STK3: variants seen among roughly 807,000 people sequenced by gnomAD.
STK3 encodes the protein serine/threonine kinase 3.
In STK3, 41 loss-of-function variants were observed where a neutral mutation model predicts 58.0. The ratio of observed to expected loss-of-function variants is 0.71; its 90% CI spans 0.55 to 0.92. The LOEUF is 0.92. Among genes scored for constraint, STK3 ranks in the 40% least tolerant of loss-of-function variants. STK3 has a pLI of 0.00. For synonymous variants in STK3, 170 were observed against 191.0 expected (o/e 0.89, Z 0.91); for missense variants, 479 against 602.7 (o/e 0.79, Z 2.15).
chr8:98,673,912 T>C (rs960565983), intron 6 of STK3, among the ~76,000 whole-genome samples: 1 of 152,220 alleles, frequency 6.6e-6, no homozygotes, highest in South Asian at 2.1e-4. Flanking sequence ...GGTAAATATG[T>C]AGAATACTAT....
At chr8:98,809,366 T>C (rs533796161) in intron 1 of STK3, among the ~76,000 whole-genome samples, 3 of 152,264 alleles carry the variant, frequency 2.0e-5, no homozygotes, top group East Asian at 1.9e-4. Flanking sequence ...AGTATCAAAA[T>C]TGAATTAAAT....
intron 8 of STK3, among the ~76,000 whole-genome samples, chr8:98,560,875 A>G (rs999262083): frequency 1.3e-5 from 2 of 152,014 alleles, no homozygotes; most frequent in Non-Finnish European, 2.9e-5. Context: ...TCTATAAAAA[A>G]TACAAAAATT....
intron 6 of STK3, among the ~76,000 whole-genome samples, chr8:98,688,202 G>T (rs1471587103): frequency 6.6e-6 from 1 of 152,150 alleles, no homozygotes; most frequent in Non-Finnish European, 1.5e-5. Flanking sequence ...AAAGGGTTCA[G>T]TTATACAAGA....
chr8:98,714,361 G>T (rs1826813206), intron 4 of STK3, among the ~76,000 whole-genome samples: 1 of 152,200 alleles, frequency 6.6e-6, no homozygotes, highest in Non-Finnish European at 1.5e-5. Context: ...CAGATGACAT[G>T]ATTGGATATC....
intron 6 of STK3, among the ~76,000 whole-genome samples, chr8:98,611,876 C>T (rs1817226179): frequency 1.3e-5 from 2 of 151,984 alleles, no homozygotes; most frequent in Non-Finnish European, 2.9e-5. Flanking sequence ...TCCAAATTCC[C>T]ACTACATTTA....
chr8:98,446,068 C>CA (rs1301306782), intron 1 of STK3, among the ~76,000 whole-genome samples: 1 of 152,234 alleles, frequency 6.6e-6, no homozygotes, highest in African/African-American at 2.4e-5. Context: ...TGAACTTTCT[C>CA]AGACACCGAA....
chr8:98,542,532 G>A (rs1457253626), intron 9 of STK3, among the ~76,000 whole-genome samples: 2 of 152,156 alleles, frequency 1.3e-5, no homozygotes, highest in Non-Finnish European at 2.9e-5. Flanking sequence ...AGGTCTTGGA[G>A]GAGGCAGGGA....
intron 1 of STK3, among the ~76,000 whole-genome samples, chr8:98,889,624 G>C (rs1177038197): frequency 1.3e-5 from 2 of 152,190 alleles, no homozygotes; most frequent in Non-Finnish European, 2.9e-5. Context: ...ATGTGACCAA[G>C]ATCGTCAAGG....
At chr8:98,559,141 C>A (rs1218049109) in intron 8 of STK3, among the ~76,000 whole-genome samples, 1 of 152,116 alleles carries the variant, frequency 6.6e-6, no homozygotes, top group African/African-American at 2.4e-5. Context: ...CAAATACATT[C>A]TGTGTTGATG....
At chr8:98,504,463 T>C (rs1483666290) in intron 10 of STK3, among the ~76,000 whole-genome samples, 1 of 152,220 alleles carries the variant, frequency 6.6e-6, no homozygotes, top group East Asian at 1.9e-4. Flanking sequence ...GCCCGTTAGT[T>C]GATGCAGTTT....
At position 98,491,230 on chromosome 8, in the gene STK3, T is replaced by C. The variant is rs1359158306; in HGVS notation, c.1318-35230A>G. Among the ~76,000 whole-genome samples, 6 of 152,194 alleles carry C rather than the reference T, an allele frequency of 3.9e-5. No homozygotes were observed. In the South Asian group the frequency reaches 1.2e-3, roughly 32 times the overall value. On this transcript the variant is annotated intron_variant, in intron 10 of 10. Transcript: ENST00000419617. ...GAGAGAGAGAGAAGTACTCTTTCTG[T>C]TTTTATTAAAACAATCAGACACTTA... is the stretch of plus-strand genomic sequence containing the variant.
chr8:98,934,342 G>A (rs1840117376), intron 1 of STK3, among the ~76,000 whole-genome samples: 1 of 152,186 alleles, frequency 6.6e-6, no homozygotes. Context: ...TGTGGTACAA[G>A]TGGCCTTCCC....
chr8:98,598,525 T>C, intron 6 of STK3: 1 of 985,444 alleles, frequency 1.0e-6, no homozygotes, highest in Non-Finnish European at 1.2e-6. Flanking sequence ...ATAGATTTTC[T>C]TGACAGCCTT....
intron 3 of STK3, chr8:98,432,467 T>C (rs118013605): frequency 0.015 from 2,581 of 167,212 alleles, 31 homozygotes; most frequent in Non-Finnish European, 0.022. Flanking sequence ...TTGTGTTTTC[T>C]GCCAAACCCC....
chr8:98,413,790 C>A, intron 3 of STK3: 1 of 634,102 alleles, frequency 1.6e-6, no homozygotes, highest in South Asian at 1.5e-5. Flanking sequence ...TCCATCTTCT[C>A]CGAGGGTGGG....
At position 98,800,286 on chromosome 8, in the gene STK3, G is replaced by A. The variant is rs960945563; in HGVS notation, c.26+25229C>T. Among the ~76,000 whole-genome samples the A allele has an allele frequency of 6.6e-6, 1 of 152,196 alleles. No homozygotes were observed. The highest frequency in any genetic ancestry group is 1.5e-5 in the Non-Finnish European group (1 of 68,040). On this transcript the variant is annotated intron_variant, in intron 1 of 10. Transcript: ENST00000419617. The surrounding 1 kb of genome is among the most constrained non-coding windows in gnomAD (Gnocchi z 4.8). Reference sequence around the variant, plus strand: ...ACCTGCTGGCACTTTCAATGGCCTAGAGAGCTCCCCTCTGGAGGACACTAC... The same window carrying A: ...ACCTGCTGGCACTTTCAATGGCCTAAAGAGCTCCCCTCTGGAGGACACTAC...
intron 10 of STK3, among the ~76,000 whole-genome samples, chr8:98,493,641 C>A (rs911466957): frequency 5.9e-5 from 9 of 152,110 alleles, no homozygotes; most frequent in Non-Finnish European, 1.3e-4. Context: ...TAATATTATT[C>A]TCCCTCTATA....
chr8:98,360,849 G>C, the STK3 span, among the ~76,000 whole-genome samples: 1 of 152,172 alleles, frequency 6.6e-6, no homozygotes, highest in Non-Finnish European at 1.5e-5. Flanking sequence ...GAGGCTATGT[G>C]ATTACACGCT....
Position 98,579,729 on chromosome 8 carries a change from T to C in STK3, c.883A>G (p.Met295Val), listed in dbSNP as rs1586912764. 1 of 1,609,914 alleles carries C rather than the reference T, an allele frequency of 6.2e-7. No homozygotes were observed. Among genetic ancestry groups the C allele is most frequent in the Non-Finnish European group, 8.5e-7 (1 of 1,178,674 alleles). ...TCATGTCTTTTAGCTTTGATCTCCA[T>C]AGCTTCTGTGATCAGGTCTCTTAAT... is the stretch of plus-strand genomic sequence containing the variant. The part of the protein sequence containing the change: ...SILRDLITEA[M>V]EIKAKRHEEQ... The change falls in exon 8 of 11, where the codon ATG (methionine) becomes GTG (valine). Residue 295 changes from methionine (M) to valine (V), a missense_variant. Coordinates refer to ENST00000419617, the MANE Select transcript of STK3 (RefSeq NM_006281.4).
Sources: gnomAD v4.1 joint callset for allele counts (sites outside exome capture counted in the v4.1 genomes callset) on GRCh38, gnomAD v4.1.1 for gene constraint, Gnocchi (gnomAD v3.1) non-coding constraint, MANE v1.5 for transcripts, NCBI Gene and HGNC (gene_info 2026-07-23, HGNC 2026-07-21) for gene names.